The following RRM1 variants were observed in gnomAD, a reference collection of about 807,000 sequenced individuals.
RRM1 encodes the protein ribonucleotide reductase catalytic subunit M1, also known as ribonucleoside-diphosphate reductase large subunit.
A neutral mutation model predicts 101.5 loss-of-function variants in RRM1; 19 were observed. The ratio of observed to expected loss-of-function variants is 0.19; its 90% CI spans 0.13 to 0.27. The LOEUF is 0.27. RRM1 is among the 10% of genes least tolerant of loss of function. The pLI, the probability that RRM1 is intolerant of heterozygous loss-of-function variation, is 1.00. For missense variants in RRM1, 500 were observed against 962.9 expected, an observed-to-expected ratio of 0.52 and a Z score of 6.36; for synonymous variants, 298 against 323.4, an observed-to-expected ratio of 0.92 and a Z score of 0.84.
intron 1 of RRM1, among the ~76,000 whole-genome samples, chr11:4,101,283 G>A (rs946180523): frequency 6.6e-6 from 1 of 151,840 alleles, no homozygotes; most frequent in Non-Finnish European, 1.5e-5. Context: ...TGGGAAGTGG[G>A]TGCACAGGAC....
chr11:4,114,411 G>T (rs2094569825), intron 7 of RRM1, among the ~76,000 whole-genome samples: 1 of 151,240 alleles, frequency 6.6e-6, no homozygotes, highest in Non-Finnish European at 1.5e-5. Flanking sequence ...AATTAGCTGG[G>T]TATGGTGGCA....
chr11:4,112,837 C>A (rs573520345), intron 7 of RRM1, among the ~76,000 whole-genome samples: 2 of 152,044 alleles, frequency 1.3e-5, no homozygotes, highest in Non-Finnish European at 2.9e-5. Flanking sequence ...CATGGTGGCT[C>A]ACATCTGTAA....
intron 8 of RRM1, among the ~76,000 whole-genome samples, chr11:4,119,548 A>G (rs1435836713): frequency 4.6e-5 from 7 of 152,324 alleles, no homozygotes; most frequent in African/African-American, 1.7e-4. Context: ...GACCTTTAGA[A>G]GATGTAGAGT....
intron 12 of RRM1, 63 bp from the exon 13 acceptor site, chr11:4,126,621 G>A (rs2094590003): frequency 6.7e-6 from 10 of 1,484,772 alleles, no homozygotes; most frequent in African/African-American, 1.4e-5. Flanking sequence ...ACATGGTGGT[G>A]TAATTGACAC....
At chr11:4,130,062 G>GTGTA (rs1554976174) in intron 15 of RRM1, among the ~76,000 whole-genome samples, 3 of 9,134 alleles carry the variant, frequency 3.3e-4, no homozygotes, top group East Asian at 3.7e-3. Context: ...GACCTGTACT[G>GTGTA]TATTTATATA....
At chr11:4,095,128 TC>T in intron 1 of RRM1, 97 bp downstream of exon 1, 8 of 1,381,492 alleles carry the variant, frequency 5.8e-6, no homozygotes, top group Non-Finnish European at 8.0e-6. Flanking sequence ...CTTCGCTGCT[TC>T]CCGCCTTTCC....
At chr11:4,123,100 T>A in intron 11 of RRM1, 83 bp from the exon 12 acceptor site, 1 of 1,043,580 alleles carries the variant, frequency 9.6e-7, no homozygotes, top group Non-Finnish European at 1.4e-6. Context: ...TTTTCATAAC[T>A]TTATATTTTA....
chr11:4,099,271 C>G (rs2094547547), intron 1 of RRM1: 1 of 144,234 alleles, frequency 6.9e-6, no homozygotes, highest in African/African-American at 2.6e-5. Flanking sequence ...TCCCGAGTAG[C>G]TGGGATTACA....
chr11:4,107,226 C>G (rs1472373659), intron 3 of RRM1, among the ~76,000 whole-genome samples: 1 of 152,214 alleles, frequency 6.6e-6, no homozygotes, highest in Non-Finnish European at 1.5e-5. Flanking sequence ...AACTTATAAT[C>G]ACTTTAACTC....
At position 4,121,778 on chromosome 11, in the gene RRM1, T is replaced by G. The variant is rs2094582202; in HGVS notation, c.1038+13T>G. 6.3e-7 allele frequency: 1 copy of G among 1,576,796 alleles called. No individual in the cohort carries two copies. Among genetic ancestry groups the G allele is most frequent in the Non-Finnish European group, 8.6e-7 (1 of 1,165,236 alleles). On this transcript the variant is annotated intron_variant, in intron 10 of 18. Transcript: ENST00000300738. ...GGAGACTAATCAGGTGAGAGATAGG[T>G]ACTTGTTGGTAATAGCAACTTGATT... is the stretch of plus-strand genomic sequence containing the variant.
chr11:4,115,703 C>G (rs1020243913), intron 7 of RRM1, among the ~76,000 whole-genome samples: 3 of 151,948 alleles, frequency 2.0e-5, no homozygotes, highest in African/African-American at 7.3e-5. Context: ...ATTACAGGCA[C>G]GCGCCACCAC....
chr11:4,126,785 C>T lies in RRM1; in HGVS notation c.1422C>T (p.Val474=), dbSNP rs1428535442. 11 of 1,613,476 alleles carry T rather than the reference C, an allele frequency of 6.8e-6. No homozygotes were observed. The highest frequency in any genetic ancestry group is 9.3e-6 in the Non-Finnish European group (11 of 1,179,606). ...KKLAEVTKVV[V]RNLNKIIDIN... ...TGGCTGAAGTCACTAAAGTCGTTGT[C>T]CGAAACTTGAATAAAATTATTGATA... Residue 474 remains valine, a synonymous_variant, in exon 13 of 19, where the codon GTC becomes GTT. Coordinates refer to ENST00000300738, the MANE Select transcript of RRM1 (RefSeq NM_001033.5).
At chr11:4,118,496 T>A (rs781264705) in intron 8 of RRM1, 35 bp downstream of exon 8, 1 of 1,612,590 alleles carries the variant, frequency 6.2e-7, no homozygotes, top group Admixed American at 1.7e-5. Context: ...AAAGGGGGAT[T>A]CAAGTCTAAA....
intron 8 of RRM1, 41 bp downstream of exon 8, chr11:4,118,502 C>G: frequency 1.2e-6 from 2 of 1,610,538 alleles, no homozygotes; most frequent in East Asian, 2.2e-5. Flanking sequence ...GGATTCAAGT[C>G]TAAAAGCAAA....
rs1414831146 is a variant in RRM1, at chr11:4,132,638, C to T, written c.1905+217C>T. ...GTTGAAAGAATGAGTGAATGAGGGTCGAGTATGAAAGTAAGTTGTTGATAG... is the reference window on the plus strand; with the variant it reads ...GTTGAAAGAATGAGTGAATGAGGGTTGAGTATGAAAGTAAGTTGTTGATAG... On this transcript the variant is annotated intron_variant, in intron 16 of 18. Coordinates refer to ENST00000300738, the MANE Select transcript of RRM1 (RefSeq NM_001033.5). The surrounding 1 kb of genome is among the most constrained non-coding windows in gnomAD (Gnocchi z 4.1). 1.3e-5 allele frequency among the ~76,000 whole-genome samples: 2 copies of T among 152,100 alleles called. No individual in the cohort carries two copies. Among genetic ancestry groups the T allele is most frequent in the African/African-American group, 2.4e-5 (1 of 41,394 alleles).
chr11:4,115,007 C>A (rs1779033757), intron 7 of RRM1, among the ~76,000 whole-genome samples: 2 of 151,866 alleles, frequency 1.3e-5, no homozygotes, highest in Non-Finnish European at 2.9e-5. Flanking sequence ...GCTACCATGC[C>A]CGGTTTTTTA....
At chr11:4,121,830 T>C in intron 10 of RRM1, 65 bp downstream of exon 10, 7 of 1,463,646 alleles carry the variant, frequency 4.8e-6, no homozygotes, top group South Asian at 1.4e-5. Flanking sequence ...TTTTTAGTCA[T>C]CTTAAGTCAT....
At position 4,106,234 on chromosome 11, in the gene RRM1, G is replaced by C. The variant is rs756571878; in HGVS notation, c.286+11G>C. The C allele has an allele frequency of 3.1e-6, 5 of 1,609,026 alleles. No homozygotes were observed. The highest frequency in any genetic ancestry group is 4.2e-6 in the Non-Finnish European group (5 of 1,176,978). On this transcript the variant is annotated intron_variant, in intron 3 of 18. Coordinates refer to ENST00000300738, the MANE Select transcript of RRM1 (RefSeq NM_001033.5). ...AGAAAGTGTTCAGTGGTAAGTCTGG[G>C]GTGAAAAAGTAAAAATTTAGTACTC... is the stretch of plus-strand genomic sequence containing the variant.
intron 2 of RRM1, among the ~76,000 whole-genome samples, chr11:4,102,667 A>G (rs1007652546): frequency 6.6e-6 from 1 of 151,736 alleles, no homozygotes; most frequent in African/African-American, 2.4e-5. Flanking sequence ...AAAAAAAAAA[A>G]GGGAAGCCTA....
Sources: allele counts gnomAD v4.1 joint callset (sites outside exome capture counted in the v4.1 genomes callset), GRCh38; gene constraint gnomAD v4.1.1; non-coding constraint Gnocchi (gnomAD v3.1); transcripts MANE v1.5; gene names NCBI Gene and HGNC (gene_info 2026-07-23, HGNC 2026-07-21).